PDRG1: variants seen among roughly 807,000 people sequenced by gnomAD.
The protein encoded by PDRG1 is p53 and DNA damage-regulated protein 1.
A neutral mutation model predicts 18.4 loss-of-function variants in PDRG1; 14 were observed. That is an observed-to-expected ratio of 0.76 (90% CI 0.50 to 1.19). The LOEUF is 1.19. PDRG1 is among the 50% of genes most tolerant of loss of function. The probability of loss-of-function intolerance (pLI) is 0.00; values close to 1 mark genes in which losing one functional copy is unlikely to be tolerated. For synonymous variants in PDRG1, 65 were observed against 60.9 expected (o/e 1.07, Z -0.31); for missense variants, 177 against 160.1 (o/e 1.11, Z -0.57).
At chr20:31,949,040 T>C (rs1167170615) in intron 2 of PDRG1, among the ~76,000 whole-genome samples, 158 bp from the exon 3 acceptor site, 1 of 152,180 alleles carries the variant, frequency 6.6e-6, no homozygotes, top group Non-Finnish European at 1.5e-5. Context: ...AAGATATGAT[T>C]TGTCAGACCT....
chr20:31,946,922 C>T (rs2064322992), intron 3 of PDRG1, among the ~76,000 whole-genome samples: 1 of 152,188 alleles, frequency 6.6e-6, no homozygotes, highest in Non-Finnish European at 1.5e-5. Flanking sequence ...ACAAAATAAG[C>T]ATCTCTAGAT....
chr20:31,946,722 A>C (rs939223420), intron 3 of PDRG1, 146 bp from the exon 4 acceptor site: 8 of 701,292 alleles, frequency 1.1e-5, no homozygotes, highest in Non-Finnish European at 2.0e-5. Flanking sequence ...AGGAAGGATT[A>C]AAGTCTAGAA....
intron 1 of PDRG1, among the ~76,000 whole-genome samples, chr20:31,951,277 C>G (rs1055129033): frequency 6.6e-6 from 1 of 152,188 alleles, no homozygotes; most frequent in Admixed American, 6.5e-5. Flanking sequence ...CCACCACTAC[C>G]TAGTCCAAAT....
Position 31,946,513 on chromosome 20 carries a change from C to T in PDRG1, c.302G>A (p.Arg101His), listed in dbSNP as rs779220725. 2.7e-5 allele frequency: 44 copies of T among 1,611,068 alleles called. No homozygotes were observed. The highest frequency in any genetic ancestry group is 3.1e-5 in the Non-Finnish European group (36 of 1,177,382). ...LRKQLKVKVNRLFEAQGKPEL... is the reference protein window; with the variant it reads ...LRKQLKVKVNHLFEAQGKPEL... ...GCCAATACCTTGGGCCTCAAAAAGGCGGTTGACCTTCACTTTAAGTTGCTT... is the reference window on the plus strand; with the variant it reads ...GCCAATACCTTGGGCCTCAAAAAGGTGGTTGACCTTCACTTTAAGTTGCTT... The change falls in exon 4 of 5, where the codon CGC (arginine) becomes CAC (histidine). Residue 101 changes from arginine to histidine, a missense_variant. Coordinates refer to ENST00000202017, the MANE Select transcript of PDRG1 (RefSeq NM_030815.3).
Position 31,946,595 on chromosome 20 carries a change from CA to C in PDRG1, c.239-20del. The C allele has an allele frequency of 6.3e-7, 1 of 1,586,314 alleles. No homozygotes were observed. Among genetic ancestry groups the C allele is most frequent in the Non-Finnish European group, 8.7e-7 (1 of 1,155,556 alleles). ...TCTTGATCTGAAAAAATGAGGGGGG[CA>C]AGCAGAGGATAAGATTGTACCAGAC... On this transcript the variant is annotated intron_variant, in intron 3 of 4. Transcript: ENST00000202017.
rs2123675764 is a variant in PDRG1, at chr20:31,945,522, A to AC, written c.*284dup. 3.1e-6 allele frequency: 1 copy of AC among 317,828 alleles called. No homozygotes were observed. The highest frequency in any genetic ancestry group is 4.8e-5 in the Admixed American group (1 of 20,716). The allele number at this position is 317,828 out of a possible 1,614,324, so 19.7% of individuals were successfully genotyped here. A position where few individuals can be genotyped will look rare whatever the true frequency, so the allele number is the denominator to read the frequency against. On this transcript the variant is annotated 3_prime_UTR_variant, in exon 5 of 5. Coordinates refer to ENST00000202017, the MANE Select transcript of PDRG1 (RefSeq NM_030815.3). ...AAGTGCCTGTTGCAGTCATTCTTAC[A>AC]CCCCCACAGCCACTGCCCCACACAC...
Position 31,945,595 on chromosome 20 carries a change from C to A in PDRG1, c.*212G>T, listed in dbSNP as rs2064309902. 1 of 496,762 alleles carries A rather than the reference C, an allele frequency of 2.0e-6. No individual in the cohort carries two copies. Among genetic ancestry groups the A allele is most frequent in the Admixed American group, 3.7e-5 (1 of 27,160 alleles). 30.8% of individuals were successfully genotyped at this position (496,762 alleles called of 1,614,324 possible). On this transcript the variant is annotated 3_prime_UTR_variant, in exon 5 of 5. Transcript: ENST00000202017. ...GTCAATAGATCTTGTGTCCACCGAG[C>A]CCTGGTGTCCAGGTCCAGCAGCCAG...
chr20:31,946,033 C>G (rs2064314593), intron 4 of PDRG1, 144 bp from the exon 5 acceptor site: 1 of 635,342 alleles, frequency 1.6e-6, no homozygotes, highest in Admixed American at 2.8e-5. Context: ...TGCAATGCAC[C>G]AGATGAGGCA....
intron 2 of PDRG1, 120 bp downstream of exon 2, chr20:31,950,192 C>T: frequency 1.2e-6 from 1 of 812,830 alleles, no homozygotes. Context: ...GTTTCAATTT[C>T]CCACAAGGCT....
intron 3 of PDRG1, 24 bp downstream of exon 3, chr20:31,948,784 T>C: frequency 6.2e-7 from 1 of 1,606,702 alleles, no homozygotes; most frequent in Non-Finnish European, 8.5e-7. Context: ...AGCACACCCC[T>C]GACCCATCCC....
chr20:31,950,293 T>C lies in PDRG1; in HGVS notation c.163+19A>G, dbSNP rs1568863715. 1.3e-6 allele frequency: 2 copies of C among 1,575,570 alleles called. No homozygotes were observed. The highest frequency in any genetic ancestry group is 1.7e-6 in the Non-Finnish European group (2 of 1,145,006). On this transcript the variant is annotated intron_variant, in intron 2 of 4. Coordinates refer to ENST00000202017, the MANE Select transcript of PDRG1 (RefSeq NM_030815.3). ...ACGGAACAGGCCTCCAGGGCTGCAC[T>C]GAGAAAATTTCAACTTACCAGAGAG...
chr20:31,947,467 G>A (rs2064326164), intron 3 of PDRG1, among the ~76,000 whole-genome samples: 1 of 152,206 alleles, frequency 6.6e-6, no homozygotes, highest in Non-Finnish European at 1.5e-5. Flanking sequence ...CCAGGCAAGG[G>A]ACCCTCTGAA....
intron 3 of PDRG1, among the ~76,000 whole-genome samples, chr20:31,948,189 T>C (rs1040204394): frequency 6.6e-6 from 1 of 152,280 alleles, no homozygotes; most frequent in East Asian, 1.9e-4. Context: ...TTGCAGGGCA[T>C]GTAAAAAAGA....
Position 31,946,532 on chromosome 20 carries a change from G to A in PDRG1, c.283C>T (p.Leu95Phe). 4 of 1,613,592 alleles carry A rather than the reference G, an allele frequency of 2.5e-6. No individual in the cohort carries two copies. Among genetic ancestry groups the A allele is most frequent in the Non-Finnish European group, 3.4e-6 (4 of 1,179,520 alleles). The change falls in exon 4 of 5, where the codon CTT (leucine) becomes TTT (phenylalanine). Residue 95 changes from leucine (L) to phenylalanine (F), a missense_variant. By Grantham distance (22) the Leu-to-Phe change is conservative. Transcript: ENST00000202017. ...AAAAGGCGGTTGACCTTCACTTTAA[G>A]TTGCTTCCGCAGTTTTTCTATTTCT... is the stretch of plus-strand genomic sequence containing the variant. ...DKEIEKLRKQ[L>F]KVKVNRLFEA...
intron 3 of PDRG1, among the ~76,000 whole-genome samples, chr20:31,948,372 G>T (rs772244601): frequency 1.2e-4 from 19 of 152,228 alleles, no homozygotes; most frequent in Non-Finnish European, 2.6e-4. Context: ...ATGAGGACAT[G>T]AGGCCTGCAA....
At chr20:31,946,354 C>T (rs1312054794) in intron 4 of PDRG1, 142 bp downstream of exon 4, 4 of 741,576 alleles carry the variant, frequency 5.4e-6, no homozygotes, top group Admixed American at 2.1e-5. Context: ...TACAACCAAC[C>T]ACTGTGCACA....
chr20:31,945,983 A>C (rs2064314374), intron 4 of PDRG1, 94 bp from the exon 5 acceptor site: 3 of 1,029,620 alleles, frequency 2.9e-6, no homozygotes, highest in Non-Finnish European at 4.4e-6. Context: ...AATGCTGCCA[A>C]ACTCAGCCTG....
chr20:31,946,152 C>T (rs573639657), intron 4 of PDRG1, among the ~76,000 whole-genome samples: 1 of 152,174 alleles, frequency 6.6e-6, no homozygotes, highest in East Asian at 1.9e-4. Context: ...TTGCATTTAT[C>T]AAGAATTTCA....
intron 3 of PDRG1, 59 bp downstream of exon 3, chr20:31,948,749 T>G (rs1252603737): frequency 1.6e-5 from 24 of 1,509,912 alleles, no homozygotes; most frequent in Non-Finnish European, 2.2e-5. Context: ...TGTTCTGGGT[T>G]AAGACCAAAG....
Sources: allele counts gnomAD v4.1 joint callset (sites outside exome capture counted in the v4.1 genomes callset), GRCh38; gene constraint gnomAD v4.1.1; transcripts MANE v1.5; gene names NCBI Gene and HGNC (gene_info 2026-07-23, HGNC 2026-07-21).